The following GAS2 variants were observed in gnomAD, a reference collection of about 807,000 sequenced individuals.
GAS2 encodes growth arrest specific 2, also known as growth arrest-specific protein 2.
In GAS2, 20 loss-of-function variants were observed where a neutral mutation model predicts 37.5. The observed-to-expected ratio is 0.53, with a 90% CI of 0.37 to 0.77. The LOEUF is 0.77. Ranked by LOEUF, GAS2 falls within the 30% of genes least tolerant of loss-of-function variation. The pLI, the probability that GAS2 is intolerant of heterozygous loss-of-function variation, is 0.00. For missense variants in GAS2, 336 were observed against 373.4 expected (o/e 0.90, Z 0.82); for synonymous variants, 144 against 132.2 (o/e 1.09, Z -0.61).
At chr11:22,738,541 G>C (rs1852877531) in intron 5 of GAS2, among the ~76,000 whole-genome samples, 1 of 152,132 alleles carries the variant, frequency 6.6e-6, no homozygotes, top group South Asian at 2.1e-4. Context: ...AAAAATTCAA[G>C]ATTAATTAGA....
intron 1 of GAS2, among the ~76,000 whole-genome samples, chr11:22,656,885 A>G (rs1328756546): frequency 6.6e-6 from 1 of 152,182 alleles, no homozygotes; most frequent in East Asian, 1.9e-4. Flanking sequence ...TAAACTTCAT[A>G]TATTTTACAC....
At chr11:22,705,325 T>A (rs1383930126) in intron 3 of GAS2, among the ~76,000 whole-genome samples, 1 of 152,128 alleles carries the variant, frequency 6.6e-6, no homozygotes, top group African/African-American at 2.4e-5. Context: ...CCCAGGGGTG[T>A]GTATGATTTG....
At chr11:22,695,936 T>G (rs574573272) in intron 3 of GAS2, among the ~76,000 whole-genome samples, 1 of 152,136 alleles carries the variant, frequency 6.6e-6, no homozygotes, top group African/African-American at 2.4e-5. Flanking sequence ...AAAACGTTGT[T>G]TTTTTAAATT....
intron 7 of GAS2, among the ~76,000 whole-genome samples, chr11:22,802,019 A>C (rs528425609): frequency 6.6e-6 from 1 of 152,240 alleles, no homozygotes; most frequent in African/African-American, 2.4e-5. Context: ...ATAAAAAAAA[A>C]AGCAAAAAGA....
intron 3 of GAS2, among the ~76,000 whole-genome samples, chr11:22,716,860 G>A (rs1267799525): frequency 2.0e-5 from 3 of 152,070 alleles, no homozygotes; most frequent in Non-Finnish European, 2.9e-5. Flanking sequence ...CAACGACCAA[G>A]CTGAGAATCA....
intron 7 of GAS2, among the ~76,000 whole-genome samples, chr11:22,760,534 T>C (rs1854333163): frequency 6.6e-6 from 1 of 152,224 alleles, no homozygotes; most frequent in Admixed American, 6.5e-5. Flanking sequence ...ATCATTTGCA[T>C]GTCTGATCAT....
intron 1 of GAS2, among the ~76,000 whole-genome samples, chr11:22,637,796 T>C (rs945371028): frequency 6.8e-6 from 1 of 146,848 alleles, no homozygotes; most frequent in African/African-American, 2.5e-5. Context: ...GTAAACTATA[T>C]ATTTATGTAT....
chr11:22,676,772 T>TAA (rs55904107), intron 2 of GAS2, among the ~76,000 whole-genome samples: 2,015 of 151,662 alleles, frequency 0.013, 19 homozygotes, highest in African/African-American at 0.03. Context: ...TAAGCATTGG[T>TAA]AAAAAAAAGT....
chr11:22,786,548 C>G lies in GAS2; in HGVS notation c.724-25250C>G, dbSNP rs1313552851. ...GGATAGTATTAGTAATAAGTCATAT[C>G]TCAAGACGTGTCTTGAACAATTTGC... On this transcript the variant is annotated intron_variant, in intron 7 of 7. Coordinates refer to ENST00000454584, the MANE Select transcript of GAS2 (RefSeq NM_001143830.3). Among the ~76,000 whole-genome samples the G allele has an allele frequency of 3.3e-5, 5 of 152,152 alleles. No homozygotes were observed. The East Asian group carries it at 7.7e-4, about 23-fold the overall frequency.
intron 3 of GAS2, among the ~76,000 whole-genome samples, chr11:22,699,399 T>C (rs1273694604): frequency 6.6e-6 from 1 of 152,062 alleles, no homozygotes; most frequent in East Asian, 1.9e-4. Context: ...TCTGAAATTA[T>C]TGGAAAAGAT....
intron 1 of GAS2, among the ~76,000 whole-genome samples, chr11:22,634,265 G>C (rs1858789438): frequency 6.6e-6 from 1 of 152,096 alleles, no homozygotes; most frequent in African/African-American, 2.4e-5. Context: ...CATAATGGGG[G>C]AAACTGCTCC....
At chr11:22,692,025 C>T (rs541286346) in intron 3 of GAS2, among the ~76,000 whole-genome samples, 45 of 151,826 alleles carry the variant, frequency 3.0e-4, no homozygotes, top group Non-Finnish European at 4.9e-4. Flanking sequence ...ATGCCTAAAT[C>T]GGGCTTCAAT....
chr11:22,680,606 T>C lies in GAS2; in HGVS notation c.146-5062T>C, dbSNP rs2133917405. Among the ~76,000 whole-genome samples, 2 of 152,300 alleles carry C rather than the reference T, an allele frequency of 1.3e-5. 1 individual carries two copies. Among genetic ancestry groups the C allele is most frequent in the Middle Eastern group, 6.8e-3 (2 of 294 alleles). ...ACCAACTTTCTTCTTCAGTGAATCA[T>C]GCCAAATACCAGAACTTGCCTGAAT... On this transcript the variant is annotated intron_variant, in intron 2 of 7. Transcript: ENST00000454584.
chr11:22,737,632 A>G (rs1297760622), intron 4 of GAS2, 73 bp from the exon 5 acceptor site: 3 of 1,400,550 alleles, frequency 2.1e-6, no homozygotes, highest in Non-Finnish European at 3.0e-6. Context: ...AATGAGGGTC[A>G]TTGGCAAGCC....
intron 1 of GAS2, among the ~76,000 whole-genome samples, chr11:22,654,648 G>T (rs1848835746): frequency 6.6e-6 from 1 of 151,988 alleles, no homozygotes; most frequent in Admixed American, 6.5e-5. Context: ...CTCCCACTTT[G>T]GCCTCCCAAA....
chr11:22,788,408 G>A (rs1457617734), intron 7 of GAS2, among the ~76,000 whole-genome samples: 2 of 152,066 alleles, frequency 1.3e-5, no homozygotes, highest in Admixed American at 6.6e-5. Context: ...TTGGGGCCTG[G>A]GGCTATCCTG....
chr11:22,671,724 C>T (rs147596053), intron 1 of GAS2, among the ~76,000 whole-genome samples: 81 of 152,160 alleles, frequency 5.3e-4, no homozygotes, highest in African/African-American at 1.8e-3. Context: ...TAAAAAGTTA[C>T]AAGGAGGGTA....
chr11:22,765,712 GA>G (rs1192681632), intron 7 of GAS2, among the ~76,000 whole-genome samples: 3 of 151,856 alleles, frequency 2.0e-5, no homozygotes, highest in African/African-American at 7.3e-5. Flanking sequence ...CCAGGAGGCA[GA>G]GCTTGCAGTG....
chr11:22,792,374 C>T (rs1323731667), intron 7 of GAS2, among the ~76,000 whole-genome samples: 1 of 151,970 alleles, frequency 6.6e-6, no homozygotes, highest in East Asian at 1.9e-4. Flanking sequence ...CAGACCTGTG[C>T]ACACACATAT....
Sources: allele counts gnomAD v4.1 joint callset (sites outside exome capture counted in the v4.1 genomes callset), GRCh38; gene constraint gnomAD v4.1.1; transcripts MANE v1.5; gene names NCBI Gene and HGNC (gene_info 2026-07-23, HGNC 2026-07-21).